Variants in ADCYAP1 observed in about 807,000 individuals in gnomAD.
The protein encoded by ADCYAP1 is pituitary adenylate cyclase-activating polypeptide.
In ADCYAP1, 6 loss-of-function variants were observed where a neutral mutation model predicts 18.5. The ratio of observed to expected loss-of-function variants is 0.32; its 90% CI spans 0.18 to 0.64. The LOEUF (loss-of-function observed/expected upper bound fraction) is 0.64, where lower values mean the gene tolerates loss of function less well. Among genes scored for constraint, ADCYAP1 ranks in the 30% least tolerant of loss-of-function variants. The probability of loss-of-function intolerance (pLI) is 0.77; values close to 1 mark genes in which losing one functional copy is unlikely to be tolerated. For missense variants in ADCYAP1, 314 were observed against 253.6 expected, an observed-to-expected ratio of 1.24 and a Z score of -1.62; for synonymous variants, 136 against 113.9, an observed-to-expected ratio of 1.19 and a Z score of -1.24.
chr18:907,380 A>T (rs894664100), intron 2 of ADCYAP1, among the ~76,000 whole-genome samples: 4 of 144,020 alleles, frequency 2.8e-5, no homozygotes, highest in Admixed American at 2.1e-4. Context: ...ATCGGCGGAG[A>T]CGCCTCGGTT....
Position 910,486 on chromosome 18 carries a change from A to G in ADCYAP1, c.*851A>G, listed in dbSNP as rs561911561. 3.9e-5 allele frequency: 6 copies of G among 152,348 alleles called. No individual in the cohort carries two copies. Among genetic ancestry groups the G allele is most frequent in the African/African-American group, 1.2e-4 (5 of 41,582 alleles). 9.4% of individuals were successfully genotyped at this position (152,348 alleles called of 1,614,324 possible). ...TTCCTGAGTGGCCAGGGAATCTAAT[A>G]TCCCCAAATTAGGGCAATTGGAACA... On this transcript the variant is annotated 3_prime_UTR_variant, in exon 5 of 5. Coordinates refer to ENST00000450565, the MANE Select transcript of ADCYAP1 (RefSeq NM_001099733.2).
rs763086683 is a variant in ADCYAP1, at chr18:907,668, A to G, written c.120A>G (p.Glu40=). The G allele has an allele frequency of 6.3e-6, 10 of 1,582,830 alleles. No individual in the cohort carries two copies. The South Asian group carries it at 6.8e-5, about 11-fold the overall frequency. ...CCCGGCCACCCCGCAGGCCAGAGGA[A>G]GAGGCGTACGGCGAGGACGGAAACC... ...GLRFPGIRPE[E]EAYGEDGNPL... Residue 40 remains glutamate (E), a synonymous_variant, in exon 3 of 5, where the codon GAA becomes GAG. Transcript: ENST00000450565.
chr18:908,289 C>T lies in ADCYAP1; in HGVS notation c.267C>T (p.Asn89=), dbSNP rs149799520. The T allele has an allele frequency of 1.2e-3, 1,972 of 1,612,836 alleles. 6 individuals are homozygous for T. Among genetic ancestry groups the T allele is most frequent in the Non-Finnish European group, 1.6e-3 (1,845 of 1,179,566 alleles). ...GAGATGTCGCCCACGGGATCCTTAACGAGGCCTACCGCAAAGTGCTGGACC... is the reference window on the plus strand; with the variant it reads ...GAGATGTCGCCCACGGGATCCTTAATGAGGCCTACCGCAAAGTGCTGGACC... ...GRRDVAHGIL[N]EAYRKVLDQL... is the part of the protein sequence containing the mutation. Residue 89 remains asparagine (N), a synonymous_variant, in exon 4 of 5, where the codon AAC becomes AAT. Coordinates refer to ENST00000450565, the MANE Select transcript of ADCYAP1 (RefSeq NM_001099733.2).
At chr18:904,701 C>A (rs1303355239), upstream of ADCYAP1, 1 of 1,220,356 alleles carries the variant, frequency 8.2e-7, no homozygotes, top group Admixed American at 3.0e-5. Context: ...TTCTGACTTT[C>A]CCTCTTTCCC....
chr18:908,181 GGC>G, intron 3 of ADCYAP1, 82 bp from the exon 4 acceptor site: 1 of 1,266,524 alleles, frequency 7.9e-7, no homozygotes, highest in African/African-American at 1.5e-5. Context: ...CCGCCGAGGG[GGC>G]GCGCGCCCAA....
At position 905,041 on chromosome 18, in the gene ADCYAP1, G is replaced by T. The variant is rs762578040; in HGVS notation, c.-21G>T. 2 of 1,295,770 alleles carry T rather than the reference G, an allele frequency of 1.5e-6. No homozygotes were observed. The highest frequency in any genetic ancestry group is 2.5e-5 in the South Asian group (2 of 79,450). The allele number at this position is 1,295,770 out of a possible 1,614,324, so 80.3% of individuals were successfully genotyped here. A position where few individuals can be genotyped will look rare whatever the true frequency, so the allele number is the denominator to read the frequency against. On this transcript the variant is annotated 5_prime_UTR_variant, in exon 1 of 5. Transcript: ENST00000450565. ...GCCGTCCTACCTGGCAGCTCTCCTG[G>T]CAGCGGGAGGAGTTGAAGGGTAAGG...
At chr18:905,638 GC>G in intron 2 of ADCYAP1, 142 bp downstream of exon 2, 1 of 1,015,282 alleles carries the variant, frequency 9.8e-7, no homozygotes, top group South Asian at 1.6e-5. Flanking sequence ...GCCAGCCTCG[GC>G]TGGACAGCGG....
Position 908,268 on chromosome 18 carries a change from T to A in ADCYAP1, c.246T>A (p.Asp82Glu). The A allele has an allele frequency of 6.2e-7, 1 of 1,611,416 alleles. No homozygotes were observed. Reference sequence around the variant, plus strand: ...GCGCACTTTGCCTCCCCGTTAGAGATGTCGCCCACGGGATCCTTAACGAGG... The same window carrying A: ...GCGCACTTTGCCTCCCCGTTAGAGAAGTCGCCCACGGGATCCTTAACGAGG... ...AAWYRPAGRR[D>E]VAHGILNEAY... The change falls in exon 4 of 5, where the codon GAT (aspartate) becomes GAA (glutamate). Residue 82 changes from aspartate to glutamate, a missense_variant. Physicochemically the swap from Asp to Glu is conservative, Grantham distance 45 (BLOSUM62 2). Transcript: ENST00000450565.
intron 1 of ADCYAP1, 121 bp from the exon 2 acceptor site, chr18:905,265 C>G: frequency 6.6e-7 from 1 of 1,507,384 alleles, no homozygotes; most frequent in Non-Finnish European, 8.8e-7. Flanking sequence ...AAGTGCTGTT[C>G]AACTCAGGGA....
chr18:908,044 C>A (rs969356641), intron 3 of ADCYAP1: 6 of 717,394 alleles, frequency 8.4e-6, no homozygotes, highest in Admixed American at 3.1e-5. Context: ...GTCAAGGAAC[C>A]CACACTCCGC....
chr18:906,729 A>G (rs2143110296), intron 2 of ADCYAP1: 1 of 152,424 alleles, frequency 6.6e-6, no homozygotes, highest in East Asian at 1.9e-4. Flanking sequence ...GCTGCACGCC[A>G]AGTCTCTCCA....
intron 2 of ADCYAP1, among the ~76,000 whole-genome samples, chr18:907,035 G>A (rs2143111675): frequency 6.6e-6 from 1 of 152,372 alleles, no homozygotes; most frequent in South Asian, 2.1e-4. Context: ...AGTCTGAGCC[G>A]CCGCCGAACT....
At position 907,336 on chromosome 18, in the gene ADCYAP1, G is replaced by T. The variant is rs541665321; in HGVS notation, c.111-323G>T. 5.7e-3 allele frequency among the ~76,000 whole-genome samples: 869 copies of T among 152,280 alleles called. 2 individuals carry two copies. The highest frequency in any genetic ancestry group is 8.4e-3 in the Non-Finnish European group (572 of 68,010). On this transcript the variant is annotated intron_variant, in intron 2 of 4. Transcript: ENST00000450565. ...GGAGGCTCGGGAGCCAGGCGGGGAG[G>T]GGGGCGGTCCTTTTCCGTAGACAGG...
rs954290555 is a variant in ADCYAP1, at chr18:911,482, C to T, written c.*1847C>T. The T allele has an allele frequency of 6.6e-6, 1 of 151,498 alleles. No homozygotes were observed. Among genetic ancestry groups the T allele is most frequent in the African/African-American group, 2.4e-5 (1 of 41,268 alleles). 9.4% of individuals were successfully genotyped at this position (151,498 alleles called of 1,614,324 possible). ...AAAGTTTAAAGGACCTTTCCTTTTC[C>T]TTTACGGATTTGATCAGTATGAAGT... On this transcript the variant is annotated 3_prime_UTR_variant, in exon 5 of 5. Coordinates refer to ENST00000450565, the MANE Select transcript of ADCYAP1 (RefSeq NM_001099733.2).
At chr18:908,185 C>T in intron 3 of ADCYAP1, 80 bp from the exon 4 acceptor site, 1 of 1,303,780 alleles carries the variant, frequency 7.7e-7, no homozygotes, top group Non-Finnish European at 1.1e-6. Context: ...CGAGGGGGCG[C>T]GCGCCCAACA....
Position 909,470 on chromosome 18 carries a change from G to A in ADCYAP1, c.366G>A (p.Gly122=), listed in dbSNP as rs1166459303. Residue 122 remains glycine, a synonymous_variant, in exon 5 of 5, where the codon GGG becomes GGA. Transcript: ENST00000450565. The part of the protein sequence containing the change: ...GVGGSLGGGA[G]DDAEPLSKRH... ...GTGGGAGCCTCGGCGGCGGCGCGGGGGACGACGCGGAGCCGCTCTCCAAGC... is the reference window on the plus strand; with the variant it reads ...GTGGGAGCCTCGGCGGCGGCGCGGGAGACGACGCGGAGCCGCTCTCCAAGC... 2 of 1,612,388 alleles carry A rather than the reference G, an allele frequency of 1.2e-6. No individual in the cohort carries two copies. Among genetic ancestry groups the A allele is most frequent in the South Asian group, 1.1e-5 (1 of 90,992 alleles).
At chr18:904,652 C>T (rs1909087445), upstream of ADCYAP1, 2 of 1,228,940 alleles carry the variant, frequency 1.6e-6, no homozygotes, top group Non-Finnish European at 2.1e-6. Flanking sequence ...CAAAGGCGGG[C>T]TAGCCGCCCG....
chr18:909,402 T>C (rs1469400695), intron 4 of ADCYAP1, 44 bp from the exon 5 acceptor site: 3 of 1,575,806 alleles, frequency 1.9e-6, no homozygotes, highest in Non-Finnish European at 2.6e-6. Flanking sequence ...ATTGAACCTG[T>C]GTCTCCCGCC....
At chr18:909,132 G>A (rs78532905) in intron 4 of ADCYAP1, among the ~76,000 whole-genome samples, 12,598 of 149,500 alleles carry the variant, frequency 0.084, 732 homozygotes, top group Non-Finnish European at 0.12. Flanking sequence ...ACACACGAAG[G>A]GTCGGATCTC....
Sources: gnomAD v4.1 joint callset for allele counts (sites outside exome capture counted in the v4.1 genomes callset) on GRCh38, gnomAD v4.1.1 for gene constraint, MANE v1.5 for transcripts, NCBI Gene and HGNC (gene_info 2026-07-23, HGNC 2026-07-21) for gene names.